The following CD200R1 variants were observed in gnomAD, a reference collection of about 807,000 sequenced individuals.
The protein encoded by CD200R1 is cell surface glycoprotein CD200 receptor 1.
In CD200R1, 30 loss-of-function variants were observed where a neutral mutation model predicts 38.1. The ratio of observed to expected loss-of-function variants is 0.79; its 90% CI spans 0.59 to 1.07. The LOEUF (loss-of-function observed/expected upper bound fraction) is 1.07. Among genes scored for constraint, CD200R1 ranks in the 50% least tolerant of loss-of-function variants. The pLI is 0.00. For missense variants in CD200R1, 372 were observed against 415.4 expected (o/e 0.90, Z 0.91); for synonymous variants, 128 against 152.1 (o/e 0.84, Z 1.16).
At chr3:112,942,750 A>T (rs1338619331) in intron 2 of CD200R1, among the ~76,000 whole-genome samples, 2 of 151,558 alleles carry the variant, frequency 1.3e-5, no homozygotes, top group Non-Finnish European at 3.0e-5. Flanking sequence ...AGATATATAT[A>T]TATATGTAGT....
At chr3:112,972,255 C>T (rs752753877) in intron 1 of CD200R1, among the ~76,000 whole-genome samples, 1 of 152,006 alleles carries the variant, frequency 6.6e-6, no homozygotes, top group African/African-American at 2.4e-5. Context: ...AGGACAAAAC[C>T]CTTCTTTTGC....
chr3:112,945,475 G>A (rs1255095042), intron 2 of CD200R1, among the ~76,000 whole-genome samples: 2 of 152,178 alleles, frequency 1.3e-5, no homozygotes, highest in Non-Finnish European at 2.9e-5. Flanking sequence ...TGAACAAATG[G>A]TGTTGGAACG....
At chr3:112,931,517 T>A (rs1940438740) in intron 2 of CD200R1, among the ~76,000 whole-genome samples, 1 of 152,142 alleles carries the variant, frequency 6.6e-6, no homozygotes, top group South Asian at 2.1e-4. Context: ...TCCAATTATA[T>A]CCCTTTCTTC....
intron 1 of CD200R1, among the ~76,000 whole-genome samples, chr3:112,962,658 T>G (rs1367470189): frequency 6.6e-6 from 1 of 152,200 alleles, no homozygotes; most frequent in Non-Finnish European, 1.5e-5. Flanking sequence ...TGTCCAAATT[T>G]TATTATTAAT....
At chr3:112,947,667 C>T (rs952820901) in intron 2 of CD200R1, among the ~76,000 whole-genome samples, 189 bp downstream of exon 2, 6 of 152,044 alleles carry the variant, frequency 3.9e-5, no homozygotes, top group African/African-American at 1.4e-4. Flanking sequence ...TTAGTGATCC[C>T]ATTCTTAAAA....
At chr3:112,969,372 A>G (rs947561587) in intron 1 of CD200R1, among the ~76,000 whole-genome samples, 17 of 152,318 alleles carry the variant, frequency 1.1e-4, no homozygotes, top group African/African-American at 3.1e-4. Context: ...ACTAGAAACA[A>G]TAACAGAAAT....
intron 1 of CD200R1, among the ~76,000 whole-genome samples, chr3:112,958,679 A>G (rs959968059): frequency 1.7e-4 from 26 of 152,198 alleles, no homozygotes; most frequent in African/African-American, 6.0e-4. Context: ...CATCAGAAAC[A>G]TTGGGTTTTA....
intron 2 of CD200R1, among the ~76,000 whole-genome samples, chr3:112,947,299 G>A (rs1940886076): frequency 6.6e-6 from 1 of 152,100 alleles, no homozygotes; most frequent in South Asian, 2.1e-4. Flanking sequence ...TAATGATGAT[G>A]TTTCAATGTA....
At chr3:112,964,538 T>C (rs1223558869) in intron 1 of CD200R1, among the ~76,000 whole-genome samples, 1 of 152,266 alleles carries the variant, frequency 6.6e-6, no homozygotes, top group Non-Finnish European at 1.5e-5. Flanking sequence ...ATGGGGCCTG[T>C]AGCCCCTTTG....
At chr3:112,939,130 A>G (rs146303052) in intron 2 of CD200R1, among the ~76,000 whole-genome samples, 2,698 of 152,120 alleles carry the variant, frequency 0.018, 29 homozygotes, top group South Asian at 0.047. Flanking sequence ...ACTTCAACAC[A>G]ATAAAGGCCA....
chr3:112,972,787 G>A (rs1933342817), intron 1 of CD200R1, among the ~76,000 whole-genome samples: 1 of 152,180 alleles, frequency 6.6e-6, no homozygotes, highest in African/African-American at 2.4e-5. Context: ...TAAGTCATTA[G>A]CTCCCTTGTT....
intron 1 of CD200R1, among the ~76,000 whole-genome samples, chr3:112,953,595 AT>A (rs1255592028): frequency 6.6e-6 from 1 of 152,126 alleles, no homozygotes. Context: ...CTGATGGATG[AT>A]TTTTTATTAC....
intron 1 of CD200R1, among the ~76,000 whole-genome samples, chr3:112,960,970 T>C (rs901902766): frequency 1.3e-5 from 2 of 152,114 alleles, no homozygotes; most frequent in Admixed American, 6.5e-5. Context: ...GTATGTTTCA[T>C]GTTCCGACAC....
chr3:112,932,554 C>A (rs1940470768), intron 2 of CD200R1, among the ~76,000 whole-genome samples: 1 of 152,054 alleles, frequency 6.6e-6, no homozygotes, highest in Non-Finnish European at 1.5e-5. Flanking sequence ...CCAGGCCTCC[C>A]CAGCAGCCCC....
chr3:112,963,682 A>T (rs1933081105), intron 1 of CD200R1, among the ~76,000 whole-genome samples: 1 of 152,184 alleles, frequency 6.6e-6, no homozygotes, highest in South Asian at 2.1e-4. Flanking sequence ...AAAAGTTGAT[A>T]AAATTTGCAG....
chr3:112,931,188 G>C lies in CD200R1; in HGVS notation c.137-17C>G, dbSNP rs1457545526. 1 of 1,520,778 alleles carries C rather than the reference G, an allele frequency of 6.6e-7. No homozygotes were observed. Among genetic ancestry groups the C allele is most frequent in the Non-Finnish European group, 9.1e-7 (1 of 1,095,336 alleles). The allele number at this position is 1,520,778 out of a possible 1,614,324, so 94.2% of individuals were successfully genotyped here. A position where few individuals can be genotyped will look rare whatever the true frequency, so the allele number is the denominator to read the frequency against. On this transcript the variant is annotated splice_polypyrimidine_tract_variant and intron_variant, in intron 2 of 7. Coordinates refer to ENST00000308611, the MANE Select transcript of CD200R1 (RefSeq NM_138806.4). ...TGCTTGAAGCTAGAAAATATTTAGA[G>C]AAGAATAAATGAAATCAATTTTATG...
intron 2 of CD200R1, among the ~76,000 whole-genome samples, chr3:112,934,791 T>C (rs1940537716): frequency 6.6e-6 from 1 of 151,924 alleles, no homozygotes; most frequent in Non-Finnish European, 1.5e-5. Context: ...GATCATGCCA[T>C]TGCACTCCAG....
chr3:112,937,543 G>A (rs548610429), intron 2 of CD200R1, among the ~76,000 whole-genome samples: 6 of 152,068 alleles, frequency 3.9e-5, no homozygotes, highest in Non-Finnish European at 8.8e-5. Context: ...CTGTTCCATT[G>A]GTCTATGTGT....
chr3:112,945,484 C>T (rs991967249), intron 2 of CD200R1, among the ~76,000 whole-genome samples: 2 of 152,102 alleles, frequency 1.3e-5, no homozygotes, highest in South Asian at 2.1e-4. Flanking sequence ...GGTGTTGGAA[C>T]GACTGGACAT....
Sources: allele counts gnomAD v4.1 joint callset (sites outside exome capture counted in the v4.1 genomes callset), GRCh38; gene constraint gnomAD v4.1.1; transcripts MANE v1.5; gene names NCBI Gene and HGNC (gene_info 2026-07-23, HGNC 2026-07-21).